Variants in KIF26B observed in about 807,000 individuals in gnomAD.
The protein encoded by KIF26B is kinesin family member 26B, also known as kinesin-like protein KIF26B.
KIF26B carries 63 observed loss-of-function variants against 151.2 expected under a neutral mutation model. That is an observed-to-expected ratio of 0.42 (90% CI 0.34 to 0.51). The LOEUF (loss-of-function observed/expected upper bound fraction) is 0.51. Among genes scored for constraint, KIF26B ranks in the 20% least tolerant of loss-of-function variants. KIF26B has a pLI of 0.07. For missense variants in KIF26B, 2,813 were observed against 2,913.6 expected (o/e 0.97, Z 0.79); for synonymous variants, 1,357 against 1,262.1 (o/e 1.08, Z -1.59).
At chr1:245,441,864 T>C (rs949105727) in intron 4 of KIF26B, among the ~76,000 whole-genome samples, 2 of 152,172 alleles carry the variant, frequency 1.3e-5, no homozygotes, top group African/African-American at 2.4e-5. Context: ...ATTCTTCTCA[T>C]GCGGTTATGA....
chr1:245,527,440 C>A (rs1661260893), intron 4 of KIF26B, among the ~76,000 whole-genome samples: 1 of 149,698 alleles, frequency 6.7e-6, no homozygotes, highest in African/African-American at 2.5e-5. Flanking sequence ...TTAATAAGAC[C>A]AGCCAGTTCA....
In KIF26B at chr1:245,483,687, T is replaced by C. The variant is rs190654002; in HGVS notation, c.1167-57080T>C. ...ATGAAGGGCGTGGGTAGTGAACTTGTAACAGCAGAGGAAGCAGAAGGTTAA... is the reference window on the plus strand; with the variant it reads ...ATGAAGGGCGTGGGTAGTGAACTTGCAACAGCAGAGGAAGCAGAAGGTTAA... On this transcript the variant is annotated intron_variant, in intron 4 of 14. Coordinates refer to ENST00000407071, the MANE Select transcript of KIF26B (RefSeq NM_018012.4). Among the ~76,000 whole-genome samples the C allele has an allele frequency of 9.2e-4, 140 of 151,964 alleles. 2 individuals are homozygous for C. The Middle Eastern group carries it at 0.01, about 11-fold the overall frequency.
In KIF26B at chr1:245,698,816, T is replaced by C; in HGVS notation, c.6028-71T>C. On this transcript the variant is annotated intron_variant, in intron 13 of 14. Transcript: ENST00000407071. This position sits in a 1 kb window ranked among gnomAD's most constrained non-coding sequence, Gnocchi z 4.0. ...CCAGCCTGTTTTCCATCAACGATAC[T>C]CACAGGTGCTCCTGTGGTGTGGGCT... 1 of 1,525,840 alleles carries C rather than the reference T, an allele frequency of 6.6e-7. No homozygotes were observed. Among genetic ancestry groups the C allele is most frequent in the African/African-American group, 1.4e-5 (1 of 72,908 alleles). 94.5% of individuals were successfully genotyped at this position (1,525,840 alleles called of 1,614,324 possible).
chr1:245,539,922 G>A (rs563849650), intron 4 of KIF26B, among the ~76,000 whole-genome samples: 51 of 152,276 alleles, frequency 3.3e-4, no homozygotes, highest in Non-Finnish European at 6.5e-4. Context: ...CAAAGTGCTG[G>A]GATTACAGGT....
At chr1:245,599,874 G>A (rs1368876423) in intron 5 of KIF26B, among the ~76,000 whole-genome samples, 3 of 152,058 alleles carry the variant, frequency 2.0e-5, no homozygotes, top group African/African-American at 7.2e-5. Flanking sequence ...ACTGGTTACT[G>A]TCCTGTATGT....
intron 4 of KIF26B, among the ~76,000 whole-genome samples, chr1:245,491,567 T>C (rs527520847): frequency 6.6e-6 from 1 of 152,232 alleles, no homozygotes; most frequent in East Asian, 1.9e-4. Context: ...GAGCTCCTTA[T>C]GGAGGAGAGA....
At chr1:245,479,997 C>G (rs1341703050) in intron 4 of KIF26B, among the ~76,000 whole-genome samples, 2 of 151,854 alleles carry the variant, frequency 1.3e-5, no homozygotes, top group Non-Finnish European at 2.9e-5. Flanking sequence ...GGTGCAGTGG[C>G]TCACACTTAT....
At chr1:245,414,734 C>CACAG (rs1674376056) in intron 3 of KIF26B, among the ~76,000 whole-genome samples, 1 of 152,218 alleles carries the variant, frequency 6.6e-6, no homozygotes, top group African/African-American at 2.4e-5. Context: ...TCTACACACA[C>CACAG]ACAGACACAC....
Position 245,423,120 on chromosome 1 carries a change from A to AAG in KIF26B, c.1166+3375_1166+3376insAG, listed in dbSNP as rs1553273079. Among the ~76,000 whole-genome samples the AAG allele has an allele frequency of 1.4e-3, 209 of 146,066 alleles. 3 individuals carry two copies. Among genetic ancestry groups the AAG allele is most frequent in the African/African-American group, 3.7e-3 (140 of 38,328 alleles). Reference sequence around the variant, plus strand: ...CTCAAAAAAAAAAAAAAAAAAGGAAAGAAAGAAAGAAAGAAGCAACAGCTA... The same window carrying AAG: ...CTCAAAAAAAAAAAAAAAAAAGGAAAAGGAAAGAAAGAAAGAAGCAACAGCTA... On this transcript the variant is annotated intron_variant, in intron 4 of 14. Transcript: ENST00000407071.
chr1:245,552,678 T>A (rs1183504350), intron 5 of KIF26B, among the ~76,000 whole-genome samples: 1 of 150,814 alleles, frequency 6.6e-6, no homozygotes, highest in Non-Finnish European at 1.5e-5. Context: ...AGTGGGGCGA[T>A]CTTGGCTCCC....
At chr1:245,465,104 G>A (rs918151207) in intron 4 of KIF26B, among the ~76,000 whole-genome samples, 1 of 142,644 alleles carries the variant, frequency 7.0e-6, no homozygotes, top group Admixed American at 7.1e-5. Context: ...TCAGCCTCCC[G>A]AGCAGCTGGG....
At chr1:245,284,850 C>T (rs958176489) in intron 2 of KIF26B, among the ~76,000 whole-genome samples, 5 of 151,874 alleles carry the variant, frequency 3.3e-5, no homozygotes, top group South Asian at 2.1e-4. Context: ...ACCAGCCTGA[C>T]CAATATGGAG....
intron 2 of KIF26B, among the ~76,000 whole-genome samples, chr1:245,313,161 AAAACAAACAAAC>A (rs200266677): frequency 1.3e-5 from 2 of 151,856 alleles, no homozygotes; most frequent in African/African-American, 2.4e-5. Flanking sequence ...TCCATCTCAA[AAAACAAACAAAC>A]AAACAAACAA....
In KIF26B at chr1:245,609,152, C is replaced by T. The variant is rs565451813; in HGVS notation, c.1652-114C>T. On this transcript the variant is annotated intron_variant, in intron 7 of 14. Transcript: ENST00000407071. Reference sequence around the variant, plus strand: ...CTCATCTTTTTGTTCCTTCTCTTCCCTTTTCCCCCCTTCCCTGTGCCTTTC... The same window carrying T: ...CTCATCTTTTTGTTCCTTCTCTTCCTTTTTCCCCCCTTCCCTGTGCCTTTC... 15 of 1,002,520 alleles carry T rather than the reference C, an allele frequency of 1.5e-5. No homozygotes were observed. In the Admixed American group the frequency reaches 4.5e-4, roughly 30 times the overall value. The allele number at this position is 1,002,520 out of a possible 1,614,324, so 62.1% of individuals were successfully genotyped here. A position where few individuals can be genotyped will look rare whatever the true frequency, so the allele number is the denominator to read the frequency against.
Position 245,673,318 on chromosome 1 carries a change from C to G in KIF26B, c.2259-10915C>G, listed in dbSNP as rs36027610. Reference sequence around the variant, plus strand: ...GCCATCTTAGGCCCAGTCCCCGCTGCGCGCTGCCATCTTAGGCCCAGTCCC... The same window carrying G: ...GCCATCTTAGGCCCAGTCCCCGCTGGGCGCTGCCATCTTAGGCCCAGTCCC... On this transcript the variant is annotated intron_variant, in intron 10 of 14. Coordinates refer to ENST00000407071, the MANE Select transcript of KIF26B (RefSeq NM_018012.4). Among the ~76,000 whole-genome samples, 11 of 91,022 alleles carry G rather than the reference C, an allele frequency of 1.2e-4. No homozygotes were observed. In the East Asian group the frequency reaches 1.8e-3, roughly 15 times the overall value. 59.7% of individuals were successfully genotyped at this position (91,022 alleles called of 152,430 possible). A position where few individuals can be genotyped will look rare whatever the true frequency, so the allele number is the denominator to read the frequency against.
At chr1:245,699,156 C>A (rs1401521116) in intron 14 of KIF26B, 119 bp downstream of exon 14, 16 of 1,090,442 alleles carry the variant, frequency 1.5e-5, no homozygotes, top group South Asian at 3.0e-5. Flanking sequence ...TCACAGGATG[C>A]CCATCAAATG....
At chr1:245,420,721 G>A (rs1217562869) in intron 4 of KIF26B, among the ~76,000 whole-genome samples, 4 of 152,336 alleles carry the variant, frequency 2.6e-5, no homozygotes, top group Admixed American at 1.3e-4. Context: ...GGGTCGCTCC[G>A]AAGACTAACA....
chr1:245,177,110 A>G (rs1263769988), intron 2 of KIF26B, among the ~76,000 whole-genome samples: 1 of 152,166 alleles, frequency 6.6e-6, no homozygotes, highest in Non-Finnish European at 1.5e-5. Context: ...GTGTGCCATC[A>G]TGCCTAGCTA....
chr1:245,367,699 A>G lies in KIF26B; in HGVS notation c.999+332A>G, dbSNP rs1281597895. On this transcript the variant is annotated intron_variant, in intron 3 of 14. Transcript: ENST00000407071. The surrounding 1 kb of genome is among the most constrained non-coding windows in gnomAD (Gnocchi z 4.2). ...AGCAGATTTACCACATGGCAGAGCCATGAAGAGGTAGGCCACACAGATACT... is the reference window on the plus strand; with the variant it reads ...AGCAGATTTACCACATGGCAGAGCCGTGAAGAGGTAGGCCACACAGATACT... Among the ~76,000 whole-genome samples, 2 of 152,254 alleles carry G rather than the reference A, an allele frequency of 1.3e-5. No individual in the cohort carries two copies. The highest frequency in any genetic ancestry group is 4.8e-5 in the African/African-American group (2 of 41,470).
Sources: allele counts gnomAD v4.1 joint callset (sites outside exome capture counted in the v4.1 genomes callset), GRCh38; gene constraint gnomAD v4.1.1; non-coding constraint Gnocchi (gnomAD v3.1); transcripts MANE v1.5; gene names NCBI Gene and HGNC (gene_info 2026-07-23, HGNC 2026-07-21).